Variants in CCDC122 observed in about 807,000 individuals in gnomAD.
The protein encoded by CCDC122 is coiled-coil domain containing 122.
Under a neutral mutation model 37.0 loss-of-function variants are expected in CCDC122, and 38 were observed. That is an observed-to-expected ratio of 1.03 (90% CI 0.79 to 1.35). The LOEUF (loss-of-function observed/expected upper bound fraction) is 1.35, where lower values mean the gene tolerates loss of function less well. Ranked by LOEUF, CCDC122 falls within the 40% of genes most tolerant of loss-of-function variation. The probability of loss-of-function intolerance (pLI) is 0.00; values close to 1 mark genes in which losing one functional copy is unlikely to be tolerated. For missense variants in CCDC122, 305 were observed against 310.0 expected (o/e 0.98, Z 0.12); for synonymous variants, 83 against 95.6 (o/e 0.87, Z 0.77).
At chr13:43,868,041 A>T (rs141832211) in intron 4 of CCDC122, among the ~76,000 whole-genome samples, 4 of 95,748 alleles carry the variant, frequency 4.2e-5, no homozygotes, top group Non-Finnish European at 9.3e-5. Flanking sequence ...AACTAAGGAA[A>T]CAGGAGCACA....
intron 1 of CCDC122, chr13:43,877,780 A>G (rs886337303): frequency 2.0e-5 from 3 of 152,250 alleles, no homozygotes. Flanking sequence ...AAACTTAATT[A>G]TGCATCTAAC....
intron 3 of CCDC122, among the ~76,000 whole-genome samples, chr13:43,828,293 A>T (rs746513571): frequency 6.6e-6 from 1 of 152,174 alleles, no homozygotes; most frequent in Non-Finnish European, 1.5e-5. Context: ...AGCACGCATT[A>T]TGTGTCAGGT....
intron 6 of CCDC122, chr13:43,856,660 T>G (rs1305026611): frequency 3.3e-5 from 2 of 60,092 alleles, no homozygotes; most frequent in Non-Finnish European, 6.6e-5. Flanking sequence ...AAAAAATCTC[T>G]CAATAATTTG....
intron 6 of CCDC122, among the ~76,000 whole-genome samples, chr13:43,839,064 C>T (rs868113857): frequency 2.0e-5 from 3 of 152,174 alleles, no homozygotes; most frequent in South Asian, 2.1e-4. Context: ...GCAAGGATGA[C>T]TCCAGTGGAT....
rs749219974 is a variant in CCDC122, at chr13:43,837,239, T to C, written c.*41A>G. 1.3e-6 allele frequency: 2 copies of C among 1,571,674 alleles called. No individual in the cohort carries two copies. Among genetic ancestry groups the C allele is most frequent in the African/African-American group, 2.7e-5 (2 of 72,852 alleles). On this transcript the variant is annotated 3_prime_UTR_variant, in exon 7 of 7. Coordinates refer to ENST00000444614, the MANE Select transcript of CCDC122 (RefSeq NM_144974.5). ...TTCTTAATGTTCTGTCCAGTAATTTTTGTTGTCATGGTCTGTGTTCCACAT... is the reference window on the plus strand; with the variant it reads ...TTCTTAATGTTCTGTCCAGTAATTTCTGTTGTCATGGTCTGTGTTCCACAT...
chr13:43,822,951 G>A (rs560993290), downstream of CCDC122, among the ~76,000 whole-genome samples: 4 of 152,246 alleles, frequency 2.6e-5, no homozygotes, highest in East Asian at 1.9e-4. Context: ...TGGCCAAGCC[G>A]GTGCCTAAGG....
chr13:43,838,980 TAAG>T (rs1953259595), intron 6 of CCDC122, among the ~76,000 whole-genome samples: 1 of 152,226 alleles, frequency 6.6e-6, no homozygotes, highest in East Asian at 1.9e-4. Context: ...ATGCCTGCAA[TAAG>T]GTTAACTCCC....
chr13:43,842,689 CTTTAA>C (rs1293196619), intron 6 of CCDC122, among the ~76,000 whole-genome samples: 2 of 151,890 alleles, frequency 1.3e-5, no homozygotes, highest in African/African-American at 4.8e-5. Flanking sequence ...TATTTAGTAT[CTTTAA>C]TTTCTCAGCA....
At chr13:43,845,266 C>A (rs1370582485) in intron 6 of CCDC122, among the ~76,000 whole-genome samples, 2 of 152,158 alleles carry the variant, frequency 1.3e-5, no homozygotes, top group Non-Finnish European at 2.9e-5. Flanking sequence ...TGATATATAT[C>A]TTACTCTACA....
At chr13:43,858,659 A>G (rs1392834720) in intron 6 of CCDC122, 122 bp downstream of exon 6, 1 of 658,692 alleles carries the variant, frequency 1.5e-6, no homozygotes, top group South Asian at 3.3e-5. Flanking sequence ...ACTAAATTTT[A>G]TAGTTCTTTC....
In CCDC122 at chr13:43,859,982, G is replaced by A. The variant is rs375993634; in HGVS notation, c.245C>T (p.Ala82Val). 1.4e-5 allele frequency: 23 copies of A among 1,597,546 alleles called. No homozygotes were observed. The Middle Eastern group carries it at 5.0e-4, about 35-fold the overall frequency. Residue 82 changes from alanine to valine, a missense_variant, in exon 5 of 7, where the codon GCC becomes GTC. Transcript: ENST00000444614. ...TERQIYQQDSAIENTKLHCDS... is the reference protein window; with the variant it reads ...TERQIYQQDSVIENTKLHCDS... ...ACAATGAAGTTTGGTATTCTCTATGGCAGAATCTTGTTGATAAATTTGTCT... is the reference window on the plus strand; with the variant it reads ...ACAATGAAGTTTGGTATTCTCTATGACAGAATCTTGTTGATAAATTTGTCT...
chr13:43,858,266 TAG>T (rs1414169861), intron 6 of CCDC122: 1 of 152,352 alleles, frequency 6.6e-6, no homozygotes, highest in East Asian at 1.9e-4. Flanking sequence ...ATAATGACAA[TAG>T]AAGTCCACAG....
At chr13:43,840,554 G>T (rs545084709) in intron 6 of CCDC122, among the ~76,000 whole-genome samples, 1 of 150,708 alleles carries the variant, frequency 6.6e-6, no homozygotes, top group Non-Finnish European at 1.5e-5. Context: ...AACAGGCCCC[G>T]GTGCGTGATG....
rs1389867248 is a variant in CCDC122, at chr13:43,836,711, G to A, written c.*569C>T. 3 of 151,270 alleles carry A rather than the reference G, an allele frequency of 2.0e-5. No homozygotes were observed. The highest frequency in any genetic ancestry group is 6.6e-5 in the Admixed American group (1 of 15,210). 9.4% of individuals were successfully genotyped at this position (151,270 alleles called of 1,614,324 possible). ...TAAAAATACAAAAAATTAGCCGGGC[G>A]CGGTGGCGGGCGCCTGTGGTCCCAG... is the stretch of plus-strand genomic sequence containing the variant. On this transcript the variant is annotated 3_prime_UTR_variant, in exon 7 of 7. Transcript: ENST00000444614.
intron 6 of CCDC122, among the ~76,000 whole-genome samples, chr13:43,845,532 A>ACT (rs1953491632): frequency 6.6e-6 from 1 of 152,118 alleles, no homozygotes; most frequent in East Asian, 1.9e-4. Context: ...CCAGCATGGC[A>ACT]AAACCCCATC....
At chr13:43,827,033 A>G (rs1472470326) in intron 3 of CCDC122, among the ~76,000 whole-genome samples, 1 of 152,196 alleles carries the variant, frequency 6.6e-6, no homozygotes, top group Admixed American at 6.5e-5. Flanking sequence ...TTGGTTAGCT[A>G]TATTTTCATG....
chr13:43,876,355 T>C (rs9595031), intron 1 of CCDC122, among the ~76,000 whole-genome samples: 2,312 of 152,316 alleles, frequency 0.015, 59 homozygotes, highest in African/African-American at 0.053. Flanking sequence ...CTTGTTCTCA[T>C]GAGAAGATTT....
downstream of CCDC122, among the ~76,000 whole-genome samples, chr13:43,833,261 A>G (rs1341344967): frequency 6.6e-6 from 1 of 152,168 alleles, no homozygotes; most frequent in Non-Finnish European, 1.5e-5. Context: ...GCTTCCTTGC[A>G]TTTGTTACCT....
chr13:43,849,228 GT>G, intron 6 of CCDC122: 1 of 262,036 alleles, frequency 3.8e-6, no homozygotes, highest in Non-Finnish European at 5.9e-6. Context: ...AACTTAAAAA[GT>G]TTATTAAATT....
Sources: gnomAD v4.1 joint callset for allele counts (sites outside exome capture counted in the v4.1 genomes callset) on GRCh38, gnomAD v4.1.1 for gene constraint, MANE v1.5 for transcripts, NCBI Gene and HGNC (gene_info 2026-07-23, HGNC 2026-07-21) for gene names.